The following C8orf34 variants were observed in gnomAD, a reference collection of about 807,000 sequenced individuals.
C8orf34 encodes chromosome 8 open reading frame 34.
Under a neutral mutation model 68.3 loss-of-function variants are expected in C8orf34, and 65 were observed. That is an observed-to-expected ratio of 0.95 (90% confidence interval 0.78 to 1.17). C8orf34 has a LOEUF of 1.17. Ranked by LOEUF, C8orf34 falls within the 50% of genes most tolerant of loss-of-function variation. The pLI, the probability that C8orf34 is intolerant of heterozygous loss-of-function variation, is 0.00. For synonymous variants in C8orf34, 244 were observed against 241.2 expected, an observed-to-expected ratio of 1.01 and a Z score of -0.11; for missense variants, 664 against 655.4, an observed-to-expected ratio of 1.01 and a Z score of -0.14.
rs113683845 is a variant in C8orf34, at chr8:68,341,357, A to G, written c.327+10018A>G. ...GAGCATTTGGATATCCATTGGCAGA[A>G]AACCAAAGCTCGACCTCAGTCTTAC... On this transcript the variant is annotated intron_variant, in intron 1 of 13. Coordinates refer to ENST00000518698, the MANE Select transcript of C8orf34 (RefSeq NM_052958.4). Among the ~76,000 whole-genome samples the G allele has an allele frequency of 3.2e-4, 48 of 152,336 alleles. 1 individual carries two copies. The highest frequency in any genetic ancestry group is 3.4e-3 in the Middle Eastern group (1 of 294).
intron 8 of C8orf34, among the ~76,000 whole-genome samples, chr8:68,673,500 G>A (rs1820084482): frequency 6.6e-6 from 1 of 152,190 alleles, no homozygotes; most frequent in South Asian, 2.1e-4. Flanking sequence ...TAGCCAGGCA[G>A]TATTTGCTAC....
chr8:68,765,000 A>T (rs763681423), intron 10 of C8orf34, among the ~76,000 whole-genome samples: 12 of 152,212 alleles, frequency 7.9e-5, no homozygotes, highest in Non-Finnish European at 1.5e-4. Context: ...CTTCCTACCT[A>T]TATTATTAAA....
intron 1 of C8orf34, among the ~76,000 whole-genome samples, chr8:68,431,990 G>C (rs558912258): frequency 3.3e-5 from 5 of 151,976 alleles, no homozygotes; most frequent in Non-Finnish European, 5.9e-5. Flanking sequence ...TATGATAAAC[G>C]TAATTTTACA....
intron 8 of C8orf34, among the ~76,000 whole-genome samples, chr8:68,654,909 C>G (rs1440875614): frequency 6.6e-6 from 1 of 152,052 alleles, no homozygotes; most frequent in African/African-American, 2.4e-5. Context: ...TATATATAAA[C>G]TAGAATAAAA....
intron 5 of C8orf34, among the ~76,000 whole-genome samples, chr8:68,519,142 T>C (rs146877703): frequency 2.6e-5 from 4 of 152,300 alleles, no homozygotes; most frequent in African/African-American, 9.6e-5. Flanking sequence ...CTGTTCGAAG[T>C]ATCAGATTCT....
intron 7 of C8orf34, among the ~76,000 whole-genome samples, chr8:68,542,594 C>G (rs946915164): frequency 3.3e-5 from 5 of 152,024 alleles, no homozygotes; most frequent in African/African-American, 1.2e-4. Context: ...TATATATAGT[C>G]TAAACACAAA....
chr8:68,684,642 T>C (rs1285083121), intron 8 of C8orf34, among the ~76,000 whole-genome samples: 1 of 152,140 alleles, frequency 6.6e-6, no homozygotes, highest in African/African-American at 2.4e-5. Context: ...GAATAATTTT[T>C]AAATTAGCAT....
intron 10 of C8orf34, among the ~76,000 whole-genome samples, chr8:68,734,391 G>A (rs1274490207): frequency 2.0e-5 from 3 of 152,136 alleles, no homozygotes; most frequent in Non-Finnish European, 4.4e-5. Flanking sequence ...GTATGTTCCT[G>A]TGGCCCCACC....
chr8:68,563,639 G>C (rs1816498178), intron 7 of C8orf34, among the ~76,000 whole-genome samples: 1 of 151,568 alleles, frequency 6.6e-6, no homozygotes, highest in Admixed American at 6.6e-5. Flanking sequence ...GGGATTATCT[G>C]CTTGAAAGAG....
At chr8:68,747,124 A>C (rs1822526745) in intron 10 of C8orf34, among the ~76,000 whole-genome samples, 1 of 152,090 alleles carries the variant, frequency 6.6e-6, no homozygotes, top group Non-Finnish European at 1.5e-5. Context: ...ACAGAACCAA[A>C]GACAAAAACC....
chr8:68,578,612 A>C (rs1035770293), intron 7 of C8orf34, among the ~76,000 whole-genome samples: 3 of 151,158 alleles, frequency 2.0e-5, no homozygotes, highest in African/African-American at 7.4e-5. Context: ...ATTTAGTGAA[A>C]GATATCTATA....
chr8:68,515,040 A>G (rs1814446154), intron 5 of C8orf34, among the ~76,000 whole-genome samples: 1 of 152,200 alleles, frequency 6.6e-6, no homozygotes, highest in African/African-American at 2.4e-5. Context: ...TACGTGTTCA[A>G]TATACTAAGT....
At position 68,450,181 on chromosome 8, in the gene C8orf34, T is replaced by G. The variant is rs145892055; in HGVS notation, c.607+3721T>G. Reference sequence around the variant, plus strand: ...AAGAAGCATCTCCTCATCCATTCAATGTCTATCATGAGATTGTGGCAATTC... The same window carrying G: ...AAGAAGCATCTCCTCATCCATTCAAGGTCTATCATGAGATTGTGGCAATTC... On this transcript the variant is annotated intron_variant, in intron 3 of 13. Transcript: ENST00000518698. 2.2e-3 allele frequency among the ~76,000 whole-genome samples: 328 copies of G among 152,288 alleles called. 1 individual carries two copies. The highest frequency in any genetic ancestry group is 7.1e-3 in the African/African-American group (295 of 41,584).
chr8:68,433,435 A>G (rs753697937), intron 1 of C8orf34, among the ~76,000 whole-genome samples: 2 of 152,196 alleles, frequency 1.3e-5, no homozygotes, highest in Non-Finnish European at 2.9e-5. Flanking sequence ...CCATGTAGTA[A>G]AAACTTCCTG....
At chr8:68,563,673 A>G (rs1427319224) in intron 7 of C8orf34, among the ~76,000 whole-genome samples, 2 of 152,006 alleles carry the variant, frequency 1.3e-5, no homozygotes, top group African/African-American at 2.4e-5. Flanking sequence ...AAAAAAAGAC[A>G]TGAACTCCAT....
At chr8:68,479,319 G>T (rs1297821153) in intron 4 of C8orf34, among the ~76,000 whole-genome samples, 3 of 151,944 alleles carry the variant, frequency 2.0e-5, no homozygotes, top group Non-Finnish European at 2.9e-5. Flanking sequence ...GCAGCAATTA[G>T]TGGGGAAATT....
intron 8 of C8orf34, among the ~76,000 whole-genome samples, chr8:68,707,916 T>G (rs568310540): frequency 1.3e-5 from 2 of 152,300 alleles, no homozygotes; most frequent in South Asian, 4.1e-4. Context: ...TATTTGCTAT[T>G]GCTGAATATT....
intron 1 of C8orf34, among the ~76,000 whole-genome samples, chr8:68,419,401 A>G (rs1809839835): frequency 6.7e-6 from 1 of 149,518 alleles, no homozygotes; most frequent in Admixed American, 6.6e-5. Context: ...TAGTTCAACC[A>G]TTGTGGAAGT....
intron 7 of C8orf34, among the ~76,000 whole-genome samples, chr8:68,568,027 A>G (rs1473652382): frequency 6.6e-6 from 1 of 151,982 alleles, no homozygotes; most frequent in Non-Finnish European, 1.5e-5. Flanking sequence ...AATAGGGAGG[A>G]CTGAGAAGAA....
Sources: allele counts gnomAD v4.1 joint callset (sites outside exome capture counted in the v4.1 genomes callset), GRCh38; gene constraint gnomAD v4.1.1; transcripts MANE v1.5; gene names NCBI Gene and HGNC (gene_info 2026-07-23, HGNC 2026-07-21).